DPF2: variants seen among roughly 807,000 people sequenced by gnomAD.
DPF2 encodes zinc finger protein ubi-d4.
In DPF2, 10 loss-of-function variants were observed where a neutral mutation model predicts 59.6. The ratio of observed to expected loss-of-function variants is 0.17; its 90% confidence interval spans 0.10 to 0.28. The LOEUF (loss-of-function observed/expected upper bound fraction) is 0.28, where lower values mean the gene tolerates loss of function less well. Among genes scored for constraint, DPF2 ranks in the 10% least tolerant of loss-of-function variants. DPF2 has a pLI of 1.00. For missense variants in DPF2, 315 were observed against 509.4 expected (o/e 0.62, Z 3.67); for synonymous variants, 189 against 190.6 (o/e 0.99, Z 0.07).
intron 1 of DPF2, among the ~76,000 whole-genome samples, chr11:65,335,923 C>T (rs1054664789): frequency 1.6e-4 from 24 of 152,028 alleles, no homozygotes; most frequent in African/African-American, 5.1e-4. Context: ...CAGCAATTCT[C>T]CTGCTTCAGC....
chr11:65,348,611 G>GAAAAAAAAA (rs56032535), intron 9 of DPF2: 5 of 239,880 alleles, frequency 2.1e-5, no homozygotes, highest in South Asian at 1.7e-4. Context: ...GGGCTTTAGG[G>GAAAAAAAAA]AAAAAAAAAA....
chr11:65,338,363 C>T (rs1196702627), intron 1 of DPF2, among the ~76,000 whole-genome samples: 1 of 152,192 alleles, frequency 6.6e-6, no homozygotes, highest in African/African-American at 2.4e-5. Context: ...TGTTTGCCTG[C>T]CTTATGTAGC....
chr11:65,337,504 T>TATAG (rs1282367012), intron 1 of DPF2, among the ~76,000 whole-genome samples: 50 of 21,398 alleles, frequency 2.3e-3, no homozygotes, highest in South Asian at 6.3e-3. Flanking sequence ...TATATATATA[T>TATAG]AGAGAGAGAG....
chr11:65,341,446 A>G lies in DPF2; in HGVS notation c.349A>G (p.Ser117Gly). 1 of 1,614,228 alleles carries G rather than the reference A, an allele frequency of 6.2e-7. No individual in the cohort carries two copies. Reference sequence around the variant, plus strand: ...GGAGGGGCTGATCTCTCAGGATGGCAGTAGTTTAGAGGCTCTGTTGCGCAC... The same window carrying G: ...GGAGGGGCTGATCTCTCAGGATGGCGGTAGTTTAGAGGCTCTGTTGCGCAC... ...KKEGLISQDG[S>G]SLEALLRTDP... is the part of the protein sequence containing the mutation. The change falls in exon 4 of 11, where the codon AGT (serine) becomes GGT (glycine). Residue 117 changes from serine (S) to glycine (G), a missense_variant. Physicochemically the swap from Ser to Gly is moderately conservative, Grantham distance 56. Transcript: ENST00000528416.
rs113319390 is a variant in DPF2, at chr11:65,349,638, A to G, written c.1099+707A>G. Among the ~76,000 whole-genome samples the G allele has an allele frequency of 7.9e-3, 1,205 of 152,308 alleles. 11 individuals carry two copies. Among genetic ancestry groups the G allele is most frequent in the African/African-American group, 0.024 (1,004 of 41,560 alleles). On this transcript the variant is annotated intron_variant, in intron 10 of 10. Transcript: ENST00000528416. ...GTGAAACCCCGTCTCTACTAAAAAT[A>G]CAAAAAAATTAGCCGGCTGTGGTGG...
At chr11:65,334,934 A>G (rs958019694) in intron 1 of DPF2, among the ~76,000 whole-genome samples, 1 of 152,152 alleles carries the variant, frequency 6.6e-6, no homozygotes, top group East Asian at 1.9e-4. Context: ...ACAGCTTCTC[A>G]TCTGTCTTTG....
chr11:65,344,884 A>G lies in DPF2; in HGVS notation c.638-782A>G, dbSNP rs571085617. The G allele has an allele frequency of 9.3e-5, 47 of 507,954 alleles. No individual in the cohort carries two copies. The East Asian group carries it at 1.3e-3, about 14-fold the overall frequency. 31.5% of individuals were successfully genotyped at this position (507,954 alleles called of 1,614,324 possible). A position where few individuals can be genotyped will look rare whatever the true frequency, so the allele number is the denominator to read the frequency against. ...GCTTCAGAAGCATTATCAGGAGCCC[A>G]TTACAATCAGACCCTTCCGCTCCCT... is the stretch of plus-strand genomic sequence containing the variant. On this transcript the variant is annotated intron_variant, in intron 6 of 10. Coordinates refer to ENST00000528416, the MANE Select transcript of DPF2 (RefSeq NM_006268.5).
rs781079354 is a variant in DPF2 at position 65,345,813 on chromosome 11, G to T, written c.775+10G>T. 1.9e-6 allele frequency: 3 copies of T among 1,613,960 alleles called. No homozygotes were observed. In the South Asian group the frequency reaches 3.3e-5, roughly 18 times the overall value. On this transcript the variant is annotated intron_variant, in intron 7 of 10. Coordinates refer to ENST00000528416, the MANE Select transcript of DPF2 (RefSeq NM_006268.5). ...TCTGAGGAGCAGAAATGTAAGCTGA[G>T]GTGTCAGAAGTGGTGGGCAAGCAGA...
intron 1 of DPF2, among the ~76,000 whole-genome samples, chr11:65,337,547 A>AGAGAGAGAGAGAGAGAGAGAG (rs1251201046): frequency 7.6e-6 from 1 of 131,640 alleles, no homozygotes; most frequent in Admixed American, 7.9e-5. Flanking sequence ...AGAGAGAGAG[A>AGAGAGAGAGAGAGAGAGAGAG]ACAATGTTAA....
intron 1 of DPF2, among the ~76,000 whole-genome samples, chr11:65,337,547 A>AGAGAGAGAGAGAGAG (rs1251201046): frequency 3.8e-5 from 5 of 131,624 alleles, no homozygotes; most frequent in Non-Finnish European, 8.0e-5. Context: ...AGAGAGAGAG[A>AGAGAGAGAGAGAGAG]ACAATGTTAA....
In DPF2 at chr11:65,352,064, G is replaced by C. The variant is rs1854714160; in HGVS notation, c.*305G>C. 1 of 390,632 alleles carries C rather than the reference G, an allele frequency of 2.6e-6. No individual in the cohort carries two copies. Among genetic ancestry groups the C allele is most frequent in the African/African-American group, 2.0e-5 (1 of 49,024 alleles). The allele number at this position is 390,632 out of a possible 1,614,324, so 24.2% of individuals were successfully genotyped here. ...TGGGCCCAGCCCCTGGTGATCACAGGGTTCAAACAGTGTCCTCCTAGAAAG... is the reference window on the plus strand; with the variant it reads ...TGGGCCCAGCCCCTGGTGATCACAGCGTTCAAACAGTGTCCTCCTAGAAAG... On this transcript the variant is annotated 3_prime_UTR_variant, in exon 11 of 11. Transcript: ENST00000528416.
chr11:65,341,674 C>G, intron 4 of DPF2, 112 bp downstream of exon 4: 1 of 1,445,554 alleles, frequency 6.9e-7, no homozygotes, highest in Non-Finnish European at 9.4e-7. Context: ...AGGAAGCAGG[C>G]CCCTGCAGTT....
At chr11:65,349,949 T>G (rs1245601282) in intron 10 of DPF2, among the ~76,000 whole-genome samples, 1 of 152,134 alleles carries the variant, frequency 6.6e-6, no homozygotes, top group Non-Finnish European at 1.5e-5. Flanking sequence ...AACATATCGG[T>G]CAAACTGCTG....
At chr11:65,346,611 T>G in intron 9 of DPF2, 1 of 426,464 alleles carries the variant, frequency 2.3e-6, no homozygotes, top group East Asian at 3.9e-5. Flanking sequence ...TCATGAGATT[T>G]ACATTCTTAC....
At chr11:65,337,177 C>T (rs981856633) in intron 1 of DPF2, among the ~76,000 whole-genome samples, 3 of 151,784 alleles carry the variant, frequency 2.0e-5, no homozygotes, top group African/African-American at 4.8e-5. Flanking sequence ...AGAGGCAGGG[C>T]GCGGTGGCTT....
At chr11:65,349,266 A>G (rs1464545035) in intron 10 of DPF2, among the ~76,000 whole-genome samples, 1 of 152,108 alleles carries the variant, frequency 6.6e-6, no homozygotes, top group Non-Finnish European at 1.5e-5. Flanking sequence ...TCTGCAGTCA[A>G]CTCTTGAAAT....
At chr11:65,342,428 A>G (rs756322246) in intron 4 of DPF2, among the ~76,000 whole-genome samples, 1 of 152,178 alleles carries the variant, frequency 6.6e-6, no homozygotes, top group Non-Finnish European at 1.5e-5. Flanking sequence ...CCTGGGTAAC[A>G]GAGGGAGACC....
Position 65,353,559 on chromosome 11 carries a change from T to C in DPF2, c.*1800T>C. Reference sequence around the variant, plus strand: ...TGCAGCCTTTCCCAGGGCACGTTGATGTGCACACAGTTTCCCTGAAGGCAA... The same window carrying C: ...TGCAGCCTTTCCCAGGGCACGTTGACGTGCACACAGTTTCCCTGAAGGCAA... On this transcript the variant is annotated 3_prime_UTR_variant, in exon 11 of 11. Coordinates refer to ENST00000528416, the MANE Select transcript of DPF2 (RefSeq NM_006268.5). Among the ~76,000 whole-genome samples the C allele has an allele frequency of 6.6e-6, 1 of 152,224 alleles. No individual in the cohort carries two copies. Among genetic ancestry groups the C allele is most frequent in the East Asian group, 1.9e-4 (1 of 5,202 alleles).
At chr11:65,335,128 A>T (rs1950079410) in intron 1 of DPF2, among the ~76,000 whole-genome samples, 1 of 142,922 alleles carries the variant, frequency 7.0e-6, no homozygotes. Context: ...TGTCTCTTTC[A>T]GCCACCCCTC....
Sources: gnomAD v4.1 joint callset for allele counts (sites outside exome capture counted in the v4.1 genomes callset) on GRCh38, gnomAD v4.1.1 for gene constraint, MANE v1.5 for transcripts, NCBI Gene and HGNC (gene_info 2026-07-23, HGNC 2026-07-21) for gene names.